GTF2E1: variants seen among roughly 807,000 people sequenced by gnomAD.
GTF2E1 encodes TFIIE alpha subunit.
GTF2E1 carries 14 observed loss-of-function variants against 34.9 expected under a neutral mutation model. The observed-to-expected ratio is 0.40, with a 90% confidence interval of 0.27 to 0.63. GTF2E1 has a LOEUF of 0.63. GTF2E1 is among the 20% of genes least tolerant of loss of function. The probability of loss-of-function intolerance (pLI) is 0.39; values close to 1 mark genes in which losing one functional copy is unlikely to be tolerated. For synonymous variants in GTF2E1, 188 were observed against 192.9 expected, an observed-to-expected ratio of 0.97 and a Z score of 0.21; for missense variants, 469 against 557.7, an observed-to-expected ratio of 0.84 and a Z score of 1.60.
At chr3:120,756,089 C>T (rs1709206766) in intron 2 of GTF2E1, among the ~76,000 whole-genome samples, 1 of 152,172 alleles carries the variant, frequency 6.6e-6, no homozygotes, top group African/African-American at 2.4e-5. Context: ...GCAGATACAT[C>T]TGATATACTG....
At chr3:120,753,074 A>G (rs1709179330) in intron 2 of GTF2E1, among the ~76,000 whole-genome samples, 1 of 151,186 alleles carries the variant, frequency 6.6e-6, no homozygotes, top group African/African-American at 2.4e-5. Context: ...TGATTAGGTG[A>G]TATTAGGCTC....
chr3:120,744,790 A>AT (rs1223786408), intron 1 of GTF2E1, among the ~76,000 whole-genome samples: 1 of 152,048 alleles, frequency 6.6e-6, no homozygotes, highest in African/African-American at 2.4e-5. Context: ...TATAAGAGTC[A>AT]TTTTTCTAAA....
At chr3:120,758,043 C>A (rs532941757) in intron 2 of GTF2E1, among the ~76,000 whole-genome samples, 1 of 152,248 alleles carries the variant, frequency 6.6e-6, no homozygotes, top group East Asian at 1.9e-4. Flanking sequence ...ACCTGTAGTT[C>A]CAGCTACTCC....
chr3:120,778,198 A>G (rs1009494100), intron 4 of GTF2E1, among the ~76,000 whole-genome samples: 1 of 152,268 alleles, frequency 6.6e-6, no homozygotes, highest in Non-Finnish European at 1.5e-5. Flanking sequence ...CCAACATTAT[A>G]TATTAAGCTC....
At chr3:120,778,785 A>G (rs150344214) in intron 4 of GTF2E1, among the ~76,000 whole-genome samples, 1 of 152,300 alleles carries the variant, frequency 6.6e-6, no homozygotes, top group Non-Finnish European at 1.5e-5. Flanking sequence ...ACGTAGAGGT[A>G]CTTTTTAGGT....
At position 120,769,557 on chromosome 3, in the gene GTF2E1, A is replaced by G. The variant is rs527868039; in HGVS notation, c.449-1171A>G. On this transcript the variant is annotated intron_variant, in intron 2 of 4. Coordinates refer to ENST00000283875, the MANE Select transcript of GTF2E1 (RefSeq NM_005513.3). The stretch of plus-strand genomic sequence containing the variant: ...CTTCATAAATCTTATCTAGGAGGTG[A>G]CAAGAACAGAGTGACGCTAAAACTA... Among the ~76,000 whole-genome samples, 11 of 152,280 alleles carry G rather than the reference A, an allele frequency of 7.2e-5. No individual in the cohort carries two copies. In the South Asian group the frequency reaches 2.3e-3, roughly 32 times the overall value.
intron 2 of GTF2E1, among the ~76,000 whole-genome samples, chr3:120,756,219 T>C (rs1367302491): frequency 6.6e-6 from 1 of 152,216 alleles, no homozygotes; most frequent in African/African-American, 2.4e-5. Flanking sequence ...TAATTTACAT[T>C]CCCACCAACA....
At chr3:120,757,363 G>A (rs1022083876) in intron 2 of GTF2E1, among the ~76,000 whole-genome samples, 1 of 152,124 alleles carries the variant, frequency 6.6e-6, no homozygotes, top group Non-Finnish European at 1.5e-5. Context: ...AGGTTGTATT[G>A]TGTAAATCAT....
chr3:120,765,539 A>G (rs1709300207), intron 2 of GTF2E1, among the ~76,000 whole-genome samples: 1 of 152,196 alleles, frequency 6.6e-6, no homozygotes, highest in South Asian at 2.1e-4. Context: ...GGCTGATAGG[A>G]AGTTGGAAGG....
chr3:120,779,171 C>G (rs1460575677), intron 4 of GTF2E1, among the ~76,000 whole-genome samples: 2 of 152,204 alleles, frequency 1.3e-5, no homozygotes, highest in African/African-American at 4.8e-5. Flanking sequence ...CCAAACCTCT[C>G]AAGACCCTTG....
intron 2 of GTF2E1, among the ~76,000 whole-genome samples, chr3:120,764,172 C>T (rs574157522): frequency 6.6e-6 from 1 of 152,306 alleles, no homozygotes; most frequent in East Asian, 1.9e-4. Context: ...ACCCCTTTCC[C>T]TTCACCTTCT....
chr3:120,748,133 A>T (rs1366761964), intron 1 of GTF2E1, among the ~76,000 whole-genome samples: 1 of 152,060 alleles, frequency 6.6e-6, no homozygotes, highest in Non-Finnish European at 1.5e-5. Context: ...TGAGTTCGTT[A>T]TAGATTCTGG....
At chr3:120,751,116 A>C in intron 2 of GTF2E1, 116 bp downstream of exon 2, 1 of 665,694 alleles carries the variant, frequency 1.5e-6, no homozygotes. Context: ...TGAATGGATC[A>C]GTGTAAATCA....
chr3:120,772,315 G>C (rs1359519947), intron 3 of GTF2E1, among the ~76,000 whole-genome samples: 7 of 152,100 alleles, frequency 4.6e-5, no homozygotes, highest in Non-Finnish European at 7.4e-5. Context: ...ACTTAGACTA[G>C]TTAAGGTTTA....
chr3:120,752,373 C>T (rs1371663034), intron 2 of GTF2E1, among the ~76,000 whole-genome samples: 1 of 152,132 alleles, frequency 6.6e-6, no homozygotes, highest in Non-Finnish European at 1.5e-5. Flanking sequence ...CTTACAGGAG[C>T]TCTGGGTTCT....
intron 2 of GTF2E1, among the ~76,000 whole-genome samples, chr3:120,758,321 G>A (rs1559831255): frequency 6.6e-6 from 1 of 152,078 alleles, no homozygotes; most frequent in Admixed American, 6.6e-5. Context: ...CGAAGTTTTT[G>A]CTTATCCTTC....
chr3:120,776,755 C>A (rs1355063632), intron 4 of GTF2E1, 91 bp downstream of exon 4: 1 of 1,152,200 alleles, frequency 8.7e-7, no homozygotes, highest in Non-Finnish European at 1.2e-6. Context: ...AATTCTGGAT[C>A]TGTTCTACAG....
At chr3:120,775,896 G>C (rs2107613198) in intron 3 of GTF2E1, among the ~76,000 whole-genome samples, 1 of 152,288 alleles carries the variant, frequency 6.6e-6, no homozygotes, top group East Asian at 1.9e-4. Flanking sequence ...AAGAACGTTG[G>C]TTGAGGTCAG....
chr3:120,777,462 C>T (rs1709411227), intron 4 of GTF2E1, among the ~76,000 whole-genome samples: 3 of 152,082 alleles, frequency 2.0e-5, no homozygotes, highest in South Asian at 2.1e-4. Context: ...TAACATATCA[C>T]GTGAGTTTGG....
Sources: allele counts gnomAD v4.1 joint callset (sites outside exome capture counted in the v4.1 genomes callset), GRCh38; gene constraint gnomAD v4.1.1; transcripts MANE v1.5; gene names NCBI Gene and HGNC (gene_info 2026-07-23, HGNC 2026-07-21).